The following ZNF492 variants were observed in gnomAD, a reference collection of about 807,000 sequenced individuals.
ZNF492 encodes zinc finger protein 492.
ZNF492 carries 3 observed loss-of-function variants against 6.4 expected under a neutral mutation model. The observed-to-expected ratio is 0.47, with a 90% CI of 0.21 to 1.22. The LOEUF (loss-of-function observed/expected upper bound fraction) is 1.22. ZNF492 is among the 50% of genes most tolerant of loss of function. The pLI, the probability that ZNF492 is intolerant of heterozygous loss-of-function variation, is 0.22. For missense variants in ZNF492, 356 were observed against 612.5 expected (o/e 0.58, Z 4.42); for synonymous variants, 112 against 205.3 (o/e 0.55, Z 3.89).
chr19:22,663,839 A>G lies in ZNF492; in HGVS notation c.170A>G (p.Gln57Arg), dbSNP rs548039023. ...TTTGCCCGAGACCTTTGGCCAAAGCAGGGCAAAAAAAATTATTTCCAAAAA... is the reference window on the plus strand; with the variant it reads ...TTTGCCCGAGACCTTTGGCCAAAGCGGGGCAAAAAAAATTATTTCCAAAAA... ...SYFARDLWPK[Q>R]GKKNYFQKVI... is the part of the protein sequence containing the mutation. The change falls in exon 4 of 4, where the codon CAG (glutamine) becomes CGG (arginine). Residue 57 changes from glutamine (Q) to arginine (R), a missense_variant. Gln to Arg is a conservative substitution (Grantham distance 43, BLOSUM62 1). This residue lies in a region of ZNF492 where 196 missense variants were observed against 219.4 expected (regional missense o/e 0.89). Transcript: ENST00000456783. 23 of 1,551,522 alleles carry G rather than the reference A, an allele frequency of 1.5e-5. No individual in the cohort carries two copies. In the Admixed American group the frequency reaches 2.1e-4, roughly 14 times the overall value.
intron 3 of ZNF492, among the ~76,000 whole-genome samples, chr19:22,658,235 A>G (rs1352789480): frequency 2.0e-5 from 3 of 151,916 alleles, no homozygotes; most frequent in Non-Finnish European, 4.4e-5. Context: ...ATCCTGGAAG[A>G]CATATGGAAA....
chr19:22,634,538 G>A (rs1329577988), intron 1 of ZNF492, 64 bp downstream of exon 1: 1 of 1,333,936 alleles, frequency 7.5e-7, no homozygotes, highest in African/African-American at 1.5e-5. Flanking sequence ...GGTGGCAAGA[G>A]GCTGTGGCGG....
chr19:22,641,470 A>C (rs1971824769), intron 1 of ZNF492, among the ~76,000 whole-genome samples: 1 of 152,184 alleles, frequency 6.6e-6, no homozygotes, highest in African/African-American at 2.4e-5. Flanking sequence ...TGTGTGGTTC[A>C]TATAATTTTG....
intron 1 of ZNF492, among the ~76,000 whole-genome samples, chr19:22,644,362 C>T (rs372675232): frequency 6.6e-6 from 1 of 152,164 alleles, no homozygotes; most frequent in Admixed American, 6.6e-5. Context: ...GACCCATCTT[C>T]TAGGTGCCCT....
intron 1 of ZNF492, among the ~76,000 whole-genome samples, chr19:22,642,600 A>G (rs1971839898): frequency 6.6e-6 from 1 of 151,768 alleles, no homozygotes; most frequent in Non-Finnish European, 1.5e-5. Context: ...CATGTTAGCC[A>G]GGATGGTCTC....
In ZNF492 at chr19:22,648,518, G is replaced by A. The variant is rs1437181272; in HGVS notation, c.-93-4789G>A. On this transcript the variant is annotated intron_variant, in intron 1 of 3. Transcript: ENST00000456783. Reference sequence around the variant, plus strand: ...AATATCCTAGTTAATTTTTTGTCTTGTTGATCCGTCTAATATTGACAGTGA... The same window carrying A: ...AATATCCTAGTTAATTTTTTGTCTTATTGATCCGTCTAATATTGACAGTGA... Among the ~76,000 whole-genome samples, 3 of 152,282 alleles carry A rather than the reference G, an allele frequency of 2.0e-5. 1 individual carries two copies. The highest frequency in any genetic ancestry group is 4.4e-5 in the Non-Finnish European group (3 of 68,026).
intron 1 of ZNF492, among the ~76,000 whole-genome samples, chr19:22,638,130 G>A (rs550637950): frequency 6.6e-6 from 1 of 152,088 alleles, no homozygotes; most frequent in East Asian, 1.9e-4. Context: ...CAAAAGCATA[G>A]TTTGCAAATA....
At chr19:22,648,641 T>C (rs1189229331) in intron 1 of ZNF492, among the ~76,000 whole-genome samples, 1 of 152,226 alleles carries the variant, frequency 6.6e-6, no homozygotes, top group Admixed American at 6.5e-5. Context: ...CATTGGGTGC[T>C]TATGTATTTA....
At chr19:22,637,345 C>T (rs1443385295) in intron 1 of ZNF492, among the ~76,000 whole-genome samples, 1 of 151,856 alleles carries the variant, frequency 6.6e-6, no homozygotes, top group Non-Finnish European at 1.5e-5. Context: ...GACTGGAGTG[C>T]AGTGGCATGA....
chr19:22,643,563 T>C (rs973997568), intron 1 of ZNF492, among the ~76,000 whole-genome samples: 7 of 152,306 alleles, frequency 4.6e-5, no homozygotes, highest in Admixed American at 2.6e-4. Flanking sequence ...GACCTTTCCA[T>C]ACCTGCAGAA....
intron 1 of ZNF492, among the ~76,000 whole-genome samples, chr19:22,636,213 C>G (rs1971761044): frequency 6.6e-6 from 1 of 151,958 alleles, no homozygotes; most frequent in African/African-American, 2.4e-5. Context: ...GATTCTCCTG[C>G]CTCACCCTCC....
At chr19:22,659,790 C>T (rs535099621) in intron 3 of ZNF492, among the ~76,000 whole-genome samples, 1 of 151,342 alleles carries the variant, frequency 6.6e-6, no homozygotes, top group Admixed American at 6.6e-5. Context: ...CTCAGCCTCC[C>T]GAGTAGCTAG....
rs1476566936 is a variant in ZNF492, at chr19:22,642,072, C to G, written c.-94+7598C>G. On this transcript the variant is annotated intron_variant, in intron 1 of 3. Coordinates refer to ENST00000456783, the MANE Select transcript of ZNF492 (RefSeq NM_020855.3). ...CCTGCCAAAGTGCTAGGATTACAGG[C>G]GTGAGCCAGCGCGCCCGGCCACGCC... Among the ~76,000 whole-genome samples the G allele has an allele frequency of 2.0e-5, 3 of 152,208 alleles. No homozygotes were observed. In the South Asian group the frequency reaches 6.2e-4, roughly 32 times the overall value.
rs1215941821 is a variant in ZNF492 at position 22,666,111 on chromosome 19, A to C, written c.*846A>C. 6.6e-6 allele frequency: 1 copy of C among 152,098 alleles called. No individual in the cohort carries two copies. Among genetic ancestry groups the C allele is most frequent in the East Asian group, 1.9e-4 (1 of 5,196 alleles). 9.4% of individuals were successfully genotyped at this position (152,098 alleles called of 1,614,324 possible). A position where few individuals can be genotyped will look rare whatever the true frequency, so the allele number is the denominator to read the frequency against. On this transcript the variant is annotated 3_prime_UTR_variant, in exon 4 of 4. Transcript: ENST00000456783. ...ATACAAATAATGTTGTAATTAACTC[A>C]AATTACTTCGTGTTAATGTTGTAAT...
intron 1 of ZNF492, among the ~76,000 whole-genome samples, chr19:22,636,041 C>T (rs1270366847): frequency 6.6e-6 from 1 of 152,094 alleles, no homozygotes; most frequent in East Asian, 1.9e-4. Context: ...TCAACTAGGC[C>T]TCACTGTCTG....
intron 3 of ZNF492, among the ~76,000 whole-genome samples, chr19:22,654,964 A>G (rs1233741886): frequency 6.6e-6 from 1 of 151,692 alleles, no homozygotes; most frequent in Non-Finnish European, 1.5e-5. Context: ...AATTTATTGA[A>G]TCTAGAGAGC....
At position 22,654,258 on chromosome 19, in the gene ZNF492, A is replaced by G. The variant is rs539166308; in HGVS notation, c.130+243A>G. On this transcript the variant is annotated intron_variant, in intron 3 of 3. Transcript: ENST00000456783. ...CTTCAAGTTTACAGTGACAGCCAAG[A>G]CAGCCCTCTTCATGGCACATAAGAG... Among the ~76,000 whole-genome samples the G allele has an allele frequency of 3.9e-5, 6 of 152,264 alleles. No homozygotes were observed. In the East Asian group the frequency reaches 1.2e-3, roughly 29 times the overall value.
At chr19:22,654,605 C>CTT (rs35048607) in intron 3 of ZNF492, among the ~76,000 whole-genome samples, 10,492 of 130,092 alleles carry the variant, frequency 0.081, 456 homozygotes, top group South Asian at 0.11. Flanking sequence ...TTTTCTCTTT[C>CTT]TTTTTTTTTT....
chr19:22,653,165 G>T, intron 1 of ZNF492, 142 bp from the exon 2 acceptor site: 2 of 975,700 alleles, frequency 2.0e-6, no homozygotes, highest in Admixed American at 3.0e-5. Flanking sequence ...ATACTTCTGT[G>T]CTGAAAGTTA....
Sources: gnomAD v4.1 joint callset for allele counts (sites outside exome capture counted in the v4.1 genomes callset) on GRCh38, gnomAD v4.1.1 for gene constraint, gnomAD v4.1.1 regional missense constraint, MANE v1.5 for transcripts, NCBI Gene and HGNC (gene_info 2026-07-23, HGNC 2026-07-21) for gene names.